SLC12A3: variants seen among roughly 807,000 people sequenced by gnomAD.
SLC12A3 encodes the protein Na-Cl cotransporter.
SLC12A3 carries 104 observed loss-of-function variants against 121.0 expected under a neutral mutation model. The ratio of observed to expected loss-of-function variants is 0.86; its 90% CI spans 0.73 to 1.01. The LOEUF is 1.01. SLC12A3 is among the 50% of genes least tolerant of loss of function. The pLI, the probability that SLC12A3 is intolerant of heterozygous loss-of-function variation, is 0.00. For synonymous variants in SLC12A3, 536 were observed against 533.4 expected (o/e 1.00, Z -0.07); for missense variants, 1,328 against 1,356.3 (o/e 0.98, Z 0.33).
At chr16:56,870,962 G>A (rs565000871) in intron 6 of SLC12A3, among the ~76,000 whole-genome samples, 2 of 152,106 alleles carry the variant, frequency 1.3e-5, no homozygotes, top group East Asian at 3.9e-4. Flanking sequence ...AGCCTCCCGA[G>A]TAGCTGGGAT....
Position 56,905,831 on chromosome 16 carries a change from A to T in SLC12A3, c.2924+1369A>T, listed in dbSNP as rs186169711. Reference sequence around the variant, plus strand: ...ACAACTGATCATAGTTTGATCATTGATGTAGACAGATGATGACGTGGGCAT... The same window carrying T: ...ACAACTGATCATAGTTTGATCATTGTTGTAGACAGATGATGACGTGGGCAT... On this transcript the variant is annotated intron_variant, in intron 25 of 25. Coordinates refer to ENST00000563236, the MANE Select transcript of SLC12A3 (RefSeq NM_001126108.2). Among the ~76,000 whole-genome samples the T allele has an allele frequency of 2.0e-5, 3 of 152,300 alleles. No individual in the cohort carries two copies. The East Asian group carries it at 5.8e-4, about 29-fold the overall frequency.
At chr16:56,870,544 GA>G in intron 5 of SLC12A3, 81 bp from the exon 6 acceptor site, 2 of 947,738 alleles carry the variant, frequency 2.1e-6, no homozygotes, top group Non-Finnish European at 1.7e-6. Flanking sequence ...CACCGCACAG[GA>G]GGTGCCTCCT....
chr16:56,911,907 C>T (rs1218497987), intron 25 of SLC12A3, among the ~76,000 whole-genome samples: 3 of 152,210 alleles, frequency 2.0e-5, no homozygotes, highest in Non-Finnish European at 2.9e-5. Context: ...GCTGTGCCTG[C>T]GTGTGCTTTG....
Position 56,893,029 on chromosome 16 carries a change from C to T in SLC12A3, c.2496C>T (p.Asp832=), listed in dbSNP as rs772348753. The T allele has an allele frequency of 2.0e-5, 32 of 1,614,066 alleles. No individual in the cohort carries two copies. The highest frequency in any genetic ancestry group is 2.5e-5 in the Non-Finnish European group (30 of 1,179,984). ...CGGAGCAGGGCAAGAAGACCATAGA[C>T]ATCTACTGGCTCTTTGACGATGGAG... ...FQSEQGKKTI[D]IYWLFDDGGL... is the part of the protein sequence containing the mutation. The change falls in exon 21 of 26, where the codon GAC becomes GAT. Residue 832 remains aspartate (D), a synonymous_variant. Coordinates refer to ENST00000563236, the MANE Select transcript of SLC12A3 (RefSeq NM_001126108.2).
chr16:56,882,357 G>T (rs764847506), intron 12 of SLC12A3, 39 bp from the exon 13 acceptor site: 1 of 1,555,198 alleles, frequency 6.4e-7, no homozygotes, highest in African/African-American at 1.4e-5. Context: ...TGGCAGAGTT[G>T]CCCAACAGGC....
chr16:56,903,482 G>A (rs550224906), intron 24 of SLC12A3, among the ~76,000 whole-genome samples: 79 of 152,118 alleles, frequency 5.2e-4, no homozygotes, highest in Non-Finnish European at 1.0e-3. Flanking sequence ...GTCACAACTC[G>A]GGGGTGGGGC....
chr16:56,878,621 C>A (rs1356211107), intron 9 of SLC12A3, among the ~76,000 whole-genome samples: 1 of 152,146 alleles, frequency 6.6e-6, no homozygotes, highest in Non-Finnish European at 1.5e-5. Flanking sequence ...GGTCACACAG[C>A]CACTGAATGG....
chr16:56,886,154 G>T (rs2055307874), intron 15 of SLC12A3, among the ~76,000 whole-genome samples: 1 of 152,180 alleles, frequency 6.6e-6, no homozygotes, highest in African/African-American at 2.4e-5. Flanking sequence ...GAGCAGGAAG[G>T]ACCAGGGAGA....
intron 23 of SLC12A3, among the ~76,000 whole-genome samples, chr16:56,901,739 G>C (rs565688707): frequency 3.9e-5 from 6 of 152,282 alleles, no homozygotes; most frequent in Admixed American, 3.9e-4. Context: ...AGCCCTGCCC[G>C]ACTGGGCCCT....
intron 19 of SLC12A3, 36 bp from the exon 20 acceptor site, chr16:56,892,047 G>A (rs373713394): frequency 6.5e-6 from 10 of 1,546,140 alleles, no homozygotes; most frequent in Non-Finnish European, 8.0e-6. Context: ...CTCAGACAAG[G>A]AGAGCCTGTG....
At position 56,913,706 on chromosome 16, in the gene SLC12A3, A is replaced by C. The variant is rs2055716995; in HGVS notation, c.*301A>C. On this transcript the variant is annotated 3_prime_UTR_variant, in exon 26 of 26. Transcript: ENST00000563236. ...TTTTGATTTTGATGACCATTAATTA[A>C]GAGTTCAGTCTTTGATTTGTATGCA... is the stretch of plus-strand genomic sequence containing the variant. The C allele has an allele frequency of 2.4e-6, 1 of 417,770 alleles. No individual in the cohort carries two copies. The highest frequency in any genetic ancestry group is 4.5e-6 in the Non-Finnish European group (1 of 222,762). The allele number at this position is 417,770 out of a possible 1,614,324, so 25.9% of individuals were successfully genotyped here.
chr16:56,877,450 A>T (rs1364521497), intron 8 of SLC12A3, among the ~76,000 whole-genome samples: 4 of 152,194 alleles, frequency 2.6e-5, no homozygotes, highest in South Asian at 4.1e-4. Flanking sequence ...AGAAAATATG[A>T]GCAGATATTT....
intron 8 of SLC12A3, among the ~76,000 whole-genome samples, chr16:56,875,345 G>A (rs1386313241): frequency 2.0e-5 from 3 of 152,146 alleles, no homozygotes; most frequent in Non-Finnish European, 2.9e-5. Context: ...CTTGCAGGGC[G>A]GTGGGGAGGA....
At chr16:56,879,371 G>A in intron 10 of SLC12A3, 144 bp downstream of exon 10, 3 of 1,197,070 alleles carry the variant, frequency 2.5e-6, no homozygotes, top group Non-Finnish European at 3.6e-6. Context: ...CAGAGCCCAG[G>A]TCTGTCCAGT....
intron 20 of SLC12A3, 116 bp downstream of exon 20, chr16:56,892,249 G>GT (rs1281954637): frequency 1.1e-6 from 1 of 915,078 alleles, no homozygotes; most frequent in African/African-American, 1.6e-5. Context: ...AGGACAGGTG[G>GT]TTTTTTCTTG....
chr16:56,899,535 T>C lies in SLC12A3; in HGVS notation c.2639T>C (p.Ile880Thr), dbSNP rs1158801055. Residue 880 changes from isoleucine (I) to threonine (T), a missense_variant, in exon 23 of 26, where the codon ATT (isoleucine) becomes ACT (threonine). Physicochemically the swap from Ile to Thr is moderately conservative, Grantham distance 89. Coordinates refer to ENST00000563236, the MANE Select transcript of SLC12A3 (RefSeq NM_001126108.2). ...NRMDQERKAI[I>T]SLLSKFRLGF... ...ACCCTCCATGTGTCCTCCAGGATCA[T>C]TTCTCTGCTGAGCAAGTTCCGACTG... is the stretch of plus-strand genomic sequence containing the variant. The C allele has an allele frequency of 1.2e-6, 2 of 1,613,110 alleles. No individual in the cohort carries two copies. Among genetic ancestry groups the C allele is most frequent in the East Asian group, 2.2e-5 (1 of 44,870 alleles).
chr16:56,875,708 C>A (rs2055156494), intron 8 of SLC12A3, among the ~76,000 whole-genome samples: 1 of 151,886 alleles, frequency 6.6e-6, no homozygotes, highest in South Asian at 2.1e-4. Flanking sequence ...AACTGAGGCT[C>A]AGGGATGTTA....
intron 5 of SLC12A3, 148 bp downstream of exon 5, chr16:56,870,383 A>G (rs1416964019): frequency 8.3e-6 from 8 of 958,858 alleles, no homozygotes; most frequent in African/African-American, 3.3e-5. Context: ...GAGAGTGACA[A>G]TCTCATCAAA....
chr16:56,882,098 C>T (rs2055248389), intron 12 of SLC12A3, among the ~76,000 whole-genome samples: 1 of 151,582 alleles, frequency 6.6e-6, no homozygotes, highest in Non-Finnish European at 1.5e-5. Context: ...GTGGTCAAAA[C>T]AGTGTGACAG....
Sources: gnomAD v4.1 joint callset for allele counts (sites outside exome capture counted in the v4.1 genomes callset) on GRCh38, gnomAD v4.1.1 for gene constraint, MANE v1.5 for transcripts, NCBI Gene and HGNC (gene_info 2026-07-23, HGNC 2026-07-21) for gene names.